The following KCNH7 variants were observed in gnomAD, a reference collection of about 807,000 sequenced individuals.
KCNH7 encodes voltage-gated inwardly rectifying potassium channel KCNH7.
A neutral mutation model predicts 120.8 loss-of-function variants in KCNH7; 49 were observed. That is an observed-to-expected ratio of 0.41 (90% CI 0.32 to 0.51). The LOEUF (loss-of-function observed/expected upper bound fraction) is 0.51, where lower values mean the gene tolerates loss of function less well. KCNH7 is among the 20% of genes least tolerant of loss of function. KCNH7 has a pLI of 0.38. For synonymous variants in KCNH7, 547 were observed against 516.1 expected, an observed-to-expected ratio of 1.06 and a Z score of -0.81; for missense variants, 1,097 against 1,446.6, an observed-to-expected ratio of 0.76 and a Z score of 3.92.
chr2:162,562,758 C>G (rs2105882300), intron 2 of KCNH7, among the ~76,000 whole-genome samples: 1 of 152,276 alleles, frequency 6.6e-6, no homozygotes, highest in Non-Finnish European at 1.5e-5. Flanking sequence ...TCTTCAATGT[C>G]TGTTACTTTC....
intron 2 of KCNH7, among the ~76,000 whole-genome samples, chr2:162,590,157 T>C (rs1373221676): frequency 6.6e-6 from 1 of 152,050 alleles, no homozygotes; most frequent in Non-Finnish European, 1.5e-5. Flanking sequence ...TGGAAAATAA[T>C]TGGTTTTTAG....
chr2:162,620,376 A>G (rs1683311868), intron 2 of KCNH7, among the ~76,000 whole-genome samples: 1 of 152,082 alleles, frequency 6.6e-6, no homozygotes, highest in African/African-American at 2.4e-5. Flanking sequence ...AGAACCATGC[A>G]AAATCACCTA....
chr2:162,673,361 G>T (rs572625776), intron 2 of KCNH7, among the ~76,000 whole-genome samples: 90 of 152,128 alleles, frequency 5.9e-4, no homozygotes, highest in African/African-American at 2.0e-3. Flanking sequence ...TATCAGTCAG[G>T]TTAATCCCAG....
chr2:162,788,035 T>C (rs1051502883), intron 2 of KCNH7, among the ~76,000 whole-genome samples: 1 of 152,080 alleles, frequency 6.6e-6, no homozygotes, highest in Non-Finnish European at 1.5e-5. Flanking sequence ...ACCCTAATTC[T>C]TCAAATGATA....
At chr2:162,787,463 C>T (rs563443593) in intron 2 of KCNH7, among the ~76,000 whole-genome samples, 1 of 152,190 alleles carries the variant, frequency 6.6e-6, no homozygotes, top group South Asian at 2.1e-4. Context: ...CCTCTGTGGC[C>T]CTGAGCACCA....
At chr2:162,735,045 C>T (rs1687851808) in intron 2 of KCNH7, among the ~76,000 whole-genome samples, 1 of 152,272 alleles carries the variant, frequency 6.6e-6, no homozygotes, top group South Asian at 2.1e-4. Flanking sequence ...ACAAGGCTTA[C>T]AGTAAGTTTC....
chr2:162,392,591 G>A (rs920707965), intron 12 of KCNH7, among the ~76,000 whole-genome samples: 3 of 151,990 alleles, frequency 2.0e-5, no homozygotes, highest in African/African-American at 7.2e-5. Context: ...CATCTGCTGT[G>A]CAGCAAGCAC....
chr2:162,489,194 A>G (rs2105706201), intron 6 of KCNH7, among the ~76,000 whole-genome samples: 1 of 152,338 alleles, frequency 6.6e-6, no homozygotes. Flanking sequence ...TATTTATTAT[A>G]TACGTAGCAT....
chr2:162,799,543 T>A (rs1684267586), intron 2 of KCNH7, among the ~76,000 whole-genome samples: 1 of 152,040 alleles, frequency 6.6e-6, no homozygotes, highest in Admixed American at 6.6e-5. Context: ...TATTTATAAG[T>A]AATCCTCATT....
intron 2 of KCNH7, among the ~76,000 whole-genome samples, chr2:162,544,538 C>A (rs1378650204): frequency 5.9e-5 from 9 of 152,080 alleles, no homozygotes; most frequent in Admixed American, 5.9e-4. Flanking sequence ...ACACTTTGTG[C>A]CCTTTCTGTT....
intron 2 of KCNH7, among the ~76,000 whole-genome samples, chr2:162,801,424 T>C (rs1169792038): frequency 1.3e-5 from 2 of 151,810 alleles, no homozygotes; most frequent in Non-Finnish European, 3.0e-5. Flanking sequence ...AGTAATTTCT[T>C]TTTTCTCAAA....
chr2:162,601,732 C>T (rs1276277902), intron 2 of KCNH7, among the ~76,000 whole-genome samples: 1 of 151,976 alleles, frequency 6.6e-6, no homozygotes, highest in Non-Finnish European at 1.5e-5. Context: ...ATTGTAAACA[C>T]GTGAGTTCAG....
At chr2:162,396,433 T>A (rs1426076054) in intron 11 of KCNH7, among the ~76,000 whole-genome samples, 1 of 151,824 alleles carries the variant, frequency 6.6e-6, no homozygotes, top group Non-Finnish European at 1.5e-5. Flanking sequence ...AAATCACCCA[T>A]TTCTAGCAAA....
intron 2 of KCNH7, among the ~76,000 whole-genome samples, chr2:162,593,675 ATAAT>A (rs1270613761): frequency 6.6e-6 from 1 of 151,988 alleles, no homozygotes; most frequent in East Asian, 1.9e-4. Context: ...TTCAGTCTTG[ATAAT>A]TAATCACAAA....
At chr2:162,657,047 T>C (rs1360267487) in intron 2 of KCNH7, among the ~76,000 whole-genome samples, 4 of 152,136 alleles carry the variant, frequency 2.6e-5, no homozygotes, top group Non-Finnish European at 4.4e-5. Flanking sequence ...AGTTTTAGAT[T>C]CACAACAAAA....
chr2:162,747,946 C>T (rs770749038), intron 2 of KCNH7, among the ~76,000 whole-genome samples: 51 of 152,238 alleles, frequency 3.4e-4, no homozygotes, highest in Non-Finnish European at 6.3e-4. Context: ...ATTTTTTATT[C>T]TTGGCTTTCT....
At chr2:162,662,587 CAG>C (rs970810686) in intron 2 of KCNH7, among the ~76,000 whole-genome samples, 15 of 152,186 alleles carry the variant, frequency 9.9e-5, no homozygotes, top group African/African-American at 3.4e-4. Flanking sequence ...TCTGCTATTT[CAG>C]AGTCTTTGCA....
intron 2 of KCNH7, among the ~76,000 whole-genome samples, chr2:162,606,887 T>C (rs1682790804): frequency 6.6e-6 from 1 of 152,088 alleles, no homozygotes; most frequent in South Asian, 2.1e-4. Context: ...TTTATTAAGA[T>C]AAAAGCGAGA....
chr2:162,571,492 T>G (rs1162166151), intron 2 of KCNH7, among the ~76,000 whole-genome samples: 1 of 144,272 alleles, frequency 6.9e-6, no homozygotes, highest in Non-Finnish European at 1.5e-5. Flanking sequence ...ACAGATTCAA[T>G]GCCATCCCCA....
Sources: allele counts gnomAD v4.1 joint callset (sites outside exome capture counted in the v4.1 genomes callset), GRCh38; gene constraint gnomAD v4.1.1; transcripts MANE v1.5; gene names NCBI Gene and HGNC (gene_info 2026-07-23, HGNC 2026-07-21).